The following ANKH variants were observed in gnomAD, a reference collection of about 807,000 sequenced individuals.
ANKH encodes the protein mineralization regulator ANKH.
In ANKH, 15 loss-of-function variants were observed where a neutral mutation model predicts 49.0. That is an observed-to-expected ratio of 0.31 (90% CI 0.20 to 0.47). The LOEUF (loss-of-function observed/expected upper bound fraction) is 0.47. Ranked by LOEUF, ANKH falls within the 20% of genes least tolerant of loss-of-function variation. The probability of loss-of-function intolerance (pLI) is 1.00; values close to 1 mark genes in which losing one functional copy is unlikely to be tolerated. For missense variants in ANKH, 429 were observed against 652.0 expected (o/e 0.66, Z 3.72); for synonymous variants, 273 against 260.0 (o/e 1.05, Z -0.48).
chr5:14,833,979 G>A (rs1276757323), intron 1 of ANKH, among the ~76,000 whole-genome samples: 1 of 152,098 alleles, frequency 6.6e-6, no homozygotes, highest in Non-Finnish European at 1.5e-5. Context: ...GGCTTACGTG[G>A]GGCTCGTGCT....
At chr5:14,742,587 TG>T (rs1738396320) in intron 7 of ANKH, among the ~76,000 whole-genome samples, 1 of 152,196 alleles carries the variant, frequency 6.6e-6, no homozygotes, top group Non-Finnish European at 1.5e-5. Context: ...ACCTCCAAGC[TG>T]GGCCCCACCT....
At chr5:14,816,965 G>A (rs1404718213) in intron 1 of ANKH, among the ~76,000 whole-genome samples, 1 of 152,102 alleles carries the variant, frequency 6.6e-6, no homozygotes, top group East Asian at 1.9e-4. Flanking sequence ...AGTTGCTGTT[G>A]GATACAATTT....
intron 1 of ANKH, among the ~76,000 whole-genome samples, chr5:14,809,871 C>A (rs1334235947): frequency 7.2e-5 from 11 of 151,964 alleles, no homozygotes; most frequent in Non-Finnish European, 1.6e-4. Flanking sequence ...CTAGAGCGTG[C>A]ACTGGGCTCT....
intron 1 of ANKH, among the ~76,000 whole-genome samples, chr5:14,826,182 T>G (rs974267682): frequency 2.6e-5 from 4 of 152,210 alleles, no homozygotes. Flanking sequence ...TTGATGTGTG[T>G]TTTTCCATGC....
Position 14,736,038 on chromosome 5 carries a change from T to C in ANKH, c.1011+5789A>G, listed in dbSNP as rs747026192. Among the ~76,000 whole-genome samples, 146 of 131,310 alleles carry C rather than the reference T, an allele frequency of 1.1e-3. 1 individual carries two copies. The East Asian group carries it at 0.029, about 26-fold the overall frequency. 86.1% of individuals were successfully genotyped at this position (131,310 alleles called of 152,430 possible). ...TTTTTTTTTTTTTTTTTTTTTTTTT[T>C]AAAGAATCAGATCCTTAAATACAAA... On this transcript the variant is annotated intron_variant, in intron 8 of 11. Transcript: ENST00000284268.
chr5:14,796,110 T>C (rs1399961144), intron 1 of ANKH, among the ~76,000 whole-genome samples: 2 of 152,090 alleles, frequency 1.3e-5, no homozygotes, highest in Admixed American at 6.5e-5. Context: ...GCCTTTTGGG[T>C]ACAGGCATAT....
At chr5:14,838,666 T>C (rs1360799982) in intron 1 of ANKH, among the ~76,000 whole-genome samples, 1 of 152,180 alleles carries the variant, frequency 6.6e-6, no homozygotes, top group Non-Finnish European at 1.5e-5. Context: ...TACCCAGTCC[T>C]GAGGGGAGCT....
At chr5:14,776,663 G>A (rs1739633112) in intron 1 of ANKH, among the ~76,000 whole-genome samples, 1 of 152,212 alleles carries the variant, frequency 6.6e-6, no homozygotes, top group African/African-American at 2.4e-5. Context: ...GCTGTGTCTG[G>A]TAAAGAGGAA....
At position 14,805,485 on chromosome 5, in the gene ANKH, T is replaced by TACACACAC. The variant is rs111728811; in HGVS notation, c.97-36302_97-36295dup. On this transcript the variant is annotated intron_variant, in intron 1 of 11. Transcript: ENST00000284268. Reference sequence around the variant, plus strand: ...TACACACACATATATGTTTATAGGATACACACACACACACACACACACGTA... The same window carrying TACACACAC: ...TACACACACATATATGTTTATAGGATACACACACACACACACACACACACACACACGTA... 5.2e-3 allele frequency among the ~76,000 whole-genome samples: 694 copies of TACACACAC among 132,236 alleles called. 7 individuals are homozygous for TACACACAC. The highest frequency in any genetic ancestry group is 0.019 in the African/African-American group (659 of 35,460). 86.8% of individuals were successfully genotyped at this position (132,236 alleles called of 152,430 possible).
rs1165747949 is a variant in ANKH at position 14,713,719 on chromosome 5, TCCTGCTG to T, written c.1142-59_1142-53del. On this transcript the variant is annotated intron_variant, in intron 9 of 11. Transcript: ENST00000284268. This position sits in a 1 kb window ranked among gnomAD's most constrained non-coding sequence, Gnocchi z 4.4. The stretch of plus-strand genomic sequence containing the variant: ...AGCCGTGCCCGCCATCCACTCCCCA[TCCTGCTG>T]CCTCTGGACCAGGGCAGCACATCCG... The T allele has an allele frequency of 6.2e-7, 1 of 1,611,596 alleles. No homozygotes were observed. Among genetic ancestry groups the T allele is most frequent in the Non-Finnish European group, 8.5e-7 (1 of 1,179,622 alleles).
chr5:14,761,224 C>T (rs755050500), intron 2 of ANKH, among the ~76,000 whole-genome samples: 71 of 152,162 alleles, frequency 4.7e-4, no homozygotes, highest in Non-Finnish European at 8.4e-4. Context: ...ACCTTGACCT[C>T]GGACTTCCAG....
At position 14,797,615 on chromosome 5, in the gene ANKH, A is replaced by G. The variant is rs1037447269; in HGVS notation, c.97-28424T>C. The G allele has an allele frequency of 2.5e-5, 40 of 1,607,484 alleles. No homozygotes were observed. The African/African-American group carries it at 4.8e-4, about 19-fold the overall frequency. On this transcript the variant is annotated intron_variant, in intron 1 of 11. Coordinates refer to ENST00000284268, the MANE Select transcript of ANKH (RefSeq NM_054027.6). The stretch of plus-strand genomic sequence containing the variant: ...TGTCAACTGAGTGGCTTGGTTTGGA[A>G]GTATTGTTTGAACGAGTATCCCAAA...
At chr5:14,830,523 GTGTGTGTGTGTGTGTC>G (rs893217304) in intron 1 of ANKH, among the ~76,000 whole-genome samples, 4 of 151,652 alleles carry the variant, frequency 2.6e-5, no homozygotes, top group South Asian at 2.1e-4. Flanking sequence ...GTGTGTGTGT[GTGTGTGTGTGTGTGTC>G]TGTGTGTGTG....
chr5:14,755,061 C>CAA lies in ANKH; in HGVS notation c.516+798_516+799dup, dbSNP rs71603737. On this transcript the variant is annotated intron_variant, in intron 4 of 11. Transcript: ENST00000284268. ...ATTCGACAAGAGCGAAACTCTGTCTCAAAAAAAAAAAAAAAAAGACATGAG... is the reference window on the plus strand; with the variant it reads ...ATTCGACAAGAGCGAAACTCTGTCTCAAAAAAAAAAAAAAAAAAAGACATGAG... 2.0e-3 allele frequency among the ~76,000 whole-genome samples: 184 copies of CAA among 90,748 alleles called. 5 individuals are homozygous for CAA. Among genetic ancestry groups the CAA allele is most frequent in the African/African-American group, 5.2e-3 (152 of 29,224 alleles). The allele number at this position is 90,748 out of a possible 152,430, so 59.5% of individuals were successfully genotyped here.
At chr5:14,812,284 G>C (rs972696682) in intron 1 of ANKH, among the ~76,000 whole-genome samples, 3 of 151,784 alleles carry the variant, frequency 2.0e-5, no homozygotes, top group Non-Finnish European at 4.4e-5. Context: ...GAGTAGTCAA[G>C]TTTGGAGCAG....
At chr5:14,798,417 G>A (rs1244895837) in intron 1 of ANKH, 52 of 1,550,012 alleles carry the variant, frequency 3.4e-5, no homozygotes, top group Admixed American at 2.6e-4. Context: ...CAGGCGAGCC[G>A]GGGGAATCCT....
chr5:14,727,802 CAATGTG>C (rs778476060), intron 8 of ANKH, among the ~76,000 whole-genome samples: 40 of 152,130 alleles, frequency 2.6e-4, no homozygotes, highest in Non-Finnish European at 4.7e-4. Flanking sequence ...TGACAAGCAG[CAATGTG>C]AATGGACTTC....
intron 1 of ANKH, among the ~76,000 whole-genome samples, chr5:14,863,634 T>G (rs748303315): frequency 6.6e-6 from 1 of 152,146 alleles, no homozygotes; most frequent in Non-Finnish European, 1.5e-5. Flanking sequence ...CAGAAACTAA[T>G]AGAGTCACAG....
At chr5:14,781,669 AC>A (rs1382309834) in intron 1 of ANKH, among the ~76,000 whole-genome samples, 1 of 152,186 alleles carries the variant, frequency 6.6e-6, no homozygotes, top group Non-Finnish European at 1.5e-5. Flanking sequence ...AAGCTTATTC[AC>A]CCAGCTAAAT....
Sources: gnomAD v4.1 joint callset for allele counts (sites outside exome capture counted in the v4.1 genomes callset) on GRCh38, gnomAD v4.1.1 for gene constraint, Gnocchi (gnomAD v3.1) non-coding constraint, MANE v1.5 for transcripts, NCBI Gene and HGNC (gene_info 2026-07-23, HGNC 2026-07-21) for gene names.